SYNE1: variants seen among roughly 807,000 people sequenced by gnomAD.
SYNE1 encodes spectrin repeat containing nuclear envelope protein 1, also known as nesprin-1.
In SYNE1, 616 loss-of-function variants were observed where a neutral mutation model predicts 1,111.0. The observed-to-expected ratio is 0.55, with a 90% CI of 0.52 to 0.59. The LOEUF is 0.59. SYNE1 is among the 20% of genes least tolerant of loss of function. The pLI is 0.00. For synonymous variants in SYNE1, 3,855 were observed against 3,825.8 expected, an observed-to-expected ratio of 1.01 and a Z score of -0.28; for missense variants, 10,006 against 10,417.0, an observed-to-expected ratio of 0.96 and a Z score of 1.72.
chr6:152,247,943 C>G (rs563259733), intron 105 of SYNE1, among the ~76,000 whole-genome samples: 2 of 151,730 alleles, frequency 1.3e-5, no homozygotes, highest in East Asian at 1.9e-4. Context: ...CCGGGAAGTT[C>G]GCTGAAATTA....
In SYNE1 at chr6:152,362,206, C is replaced by T. The variant is rs2096943766; in HGVS notation, c.10263G>A (p.Glu3421=). The change falls in exon 64 of 146, where the codon GAG becomes GAA. Residue 3421 remains glutamate, a synonymous_variant. Transcript: ENST00000367255. Reference sequence around the variant, plus strand: ...CGAGCATCGTTGTTTTATCCCGCAGCTCCGCATGCTGCCTTTCTGATTCAT... The same window carrying T: ...CGAGCATCGTTGTTTTATCCCGCAGTTCCGCATGCTGCCTTTCTGATTCAT... ...NLNESERQHA[E]LRDKTTMLGK... is the part of the protein sequence containing the mutation. 1 of 1,614,250 alleles carries T rather than the reference C, an allele frequency of 6.2e-7. No individual in the cohort carries two copies. The highest frequency in any genetic ancestry group is 1.3e-5 in the African/African-American group (1 of 75,060).
intron 31 of SYNE1, 32 bp from the exon 32 acceptor site, chr6:152,441,302 T>C: frequency 1.9e-6 from 3 of 1,588,716 alleles, no homozygotes; most frequent in South Asian, 2.3e-5. Flanking sequence ...ACAAATGGGT[T>C]ACAAATGTCA....
At chr6:152,175,094 G>A (rs2066095565) in intron 130 of SYNE1, among the ~76,000 whole-genome samples, 1 of 152,176 alleles carries the variant, frequency 6.6e-6, no homozygotes, top group Non-Finnish European at 1.5e-5. Flanking sequence ...TTGGGAGGCT[G>A]AGGCAGGAGA....
At chr6:152,408,041 G>C (rs2097930094) in intron 44 of SYNE1, among the ~76,000 whole-genome samples, 1 of 152,148 alleles carries the variant, frequency 6.6e-6, no homozygotes, top group Non-Finnish European at 1.5e-5. Flanking sequence ...GCGATTACAG[G>C]TGTGAGCCAC....
intron 3 of SYNE1, among the ~76,000 whole-genome samples, chr6:152,579,928 G>A (rs1385341018): frequency 6.6e-6 from 1 of 152,106 alleles, no homozygotes; most frequent in African/African-American, 2.4e-5. Flanking sequence ...ATCATCGATG[G>A]GCCGATTCCA....
intron 3 of SYNE1, among the ~76,000 whole-genome samples, chr6:152,594,223 T>G (rs546913390): frequency 6.6e-6 from 1 of 152,290 alleles, no homozygotes; most frequent in East Asian, 1.9e-4. Context: ...ATTTTTTAGT[T>G]TGAAACCAAA....
Position 152,152,158 on chromosome 6 carries a change from G to A in SYNE1, c.24130-17C>T. ...CTGGAAAGCCTAAGGCCACAGAGAA[G>A]CATATCAGTGTGAGAAATCAGCGAA... On this transcript the variant is annotated splice_polypyrimidine_tract_variant and intron_variant, in intron 133 of 145. Coordinates refer to ENST00000367255, the MANE Select transcript of SYNE1 (RefSeq NM_182961.4). The A allele has an allele frequency of 6.2e-7, 1 of 1,612,570 alleles. No individual in the cohort carries two copies. The highest frequency in any genetic ancestry group is 1.1e-5 in the South Asian group (1 of 91,046).
At chr6:152,616,527 G>C (rs976296697) in intron 3 of SYNE1, among the ~76,000 whole-genome samples, 6 of 152,110 alleles carry the variant, frequency 3.9e-5, no homozygotes, top group Non-Finnish European at 5.9e-5. Flanking sequence ...AGTGAGCTGT[G>C]ATTGCACCAC....
intron 62 of SYNE1, 184 bp downstream of exon 62, chr6:152,367,034 C>A: frequency 1.3e-6 from 1 of 755,426 alleles, no homozygotes; most frequent in South Asian, 1.5e-5. Context: ...GGAAAACATC[C>A]GGGGTCAGAT....
chr6:152,160,408 GCC>G (rs2062229180), intron 131 of SYNE1, among the ~76,000 whole-genome samples: 1 of 152,174 alleles, frequency 6.6e-6, no homozygotes, highest in Admixed American at 6.5e-5. Context: ...AGCACCCAGA[GCC>G]CCTGCTCCCA....
intron 39 of SYNE1, among the ~76,000 whole-genome samples, chr6:152,420,863 G>A (rs1033096493): frequency 6.6e-6 from 1 of 152,072 alleles, no homozygotes; most frequent in African/African-American, 2.4e-5. Context: ...ACACTTCTGT[G>A]AGCAAAATTT....
intron 108 of SYNE1, among the ~76,000 whole-genome samples, chr6:152,237,472 G>A (rs1441847265): frequency 1.3e-5 from 2 of 151,192 alleles, no homozygotes; most frequent in African/African-American, 4.9e-5. Context: ...ACCACACCAG[G>A]CTAACTTAAA....
intron 27 of SYNE1, 31 bp from the exon 28 acceptor site, chr6:152,449,672 G>C: frequency 2.0e-6 from 3 of 1,471,622 alleles, no homozygotes; most frequent in Non-Finnish European, 2.9e-6. Flanking sequence ...TCTTATTAAA[G>C]GGAGAACATA....
At chr6:152,178,849 T>A (rs1331731755) in intron 129 of SYNE1, among the ~76,000 whole-genome samples, 1 of 150,522 alleles carries the variant, frequency 6.6e-6, no homozygotes, top group Non-Finnish European at 1.5e-5. Flanking sequence ...CAAATTAAAA[T>A]AACATTAAAA....
intron 98 of SYNE1, among the ~76,000 whole-genome samples, chr6:152,275,231 T>C (rs1442727749): frequency 6.6e-6 from 1 of 152,064 alleles, no homozygotes; most frequent in African/African-American, 2.4e-5. Context: ...AAAGAAGCTA[T>C]AAAATTATGG....
At chr6:152,417,541 A>G (rs973022873) in intron 40 of SYNE1, among the ~76,000 whole-genome samples, 1 of 150,848 alleles carries the variant, frequency 6.6e-6, no homozygotes, top group African/African-American at 2.4e-5. Context: ...TCTGTTTTGG[A>G]ACTATGTAAT....
In SYNE1 at chr6:152,407,129, A is replaced by G. The variant is rs1359263008; in HGVS notation, c.6608T>C (p.Leu2203Pro). 1.7e-5 allele frequency: 27 copies of G among 1,613,964 alleles called. No individual in the cohort carries two copies. The highest frequency in any genetic ancestry group is 2.7e-5 in the African/African-American group (2 of 74,914). Residue 2203 changes from leucine (L) to proline (P), a missense_variant, in exon 45 of 146, where the codon CTG (leucine) becomes CCG (proline). Coordinates refer to ENST00000367255, the MANE Select transcript of SYNE1 (RefSeq NM_182961.4). The stretch of plus-strand genomic sequence containing the variant: ...TCCCTCAATCTCATCTCTAGTTGAC[A>G]GTACATCATCCCAAATGGACAGGCT... ...RVSLSIWDDV[L>P]STRDEIEGWS...
At chr6:152,384,482 C>CA (rs980501273) in intron 55 of SYNE1, among the ~76,000 whole-genome samples, 12 of 151,710 alleles carry the variant, frequency 7.9e-5, no homozygotes, top group Admixed American at 5.2e-4. Flanking sequence ...GAATAACACA[C>CA]AAAAAAAGGA....
chr6:152,451,873 A>G (rs992326592), intron 25 of SYNE1, among the ~76,000 whole-genome samples: 4 of 152,264 alleles, frequency 2.6e-5, no homozygotes, highest in African/African-American at 4.8e-5. Context: ...ATAGATTTAA[A>G]TCATACCCTT....
Sources: gnomAD v4.1 joint callset for allele counts (sites outside exome capture counted in the v4.1 genomes callset) on GRCh38, gnomAD v4.1.1 for gene constraint, MANE v1.5 for transcripts, NCBI Gene and HGNC (gene_info 2026-07-23, HGNC 2026-07-21) for gene names.